The following CR1 variants were observed in gnomAD, a reference collection of about 807,000 sequenced individuals.
CR1 encodes the protein complement receptor type 1.
Under a neutral mutation model 187.3 loss-of-function variants are expected in CR1, and 116 were observed. The observed-to-expected ratio is 0.62, with a 90% CI of 0.53 to 0.72. CR1 has a LOEUF of 0.72. CR1 is among the 30% of genes least tolerant of loss of function. The pLI, the probability that CR1 is intolerant of heterozygous loss-of-function variation, is 0.00. For synonymous variants in CR1, 576 were observed against 747.1 expected, an observed-to-expected ratio of 0.77 and a Z score of 3.73; for missense variants, 1,731 against 2,110.7, an observed-to-expected ratio of 0.82 and a Z score of 3.52.
Position 207,496,533 on chromosome 1 carries a change from G to C in CR1, c.121+145G>C, listed in dbSNP as rs1325288267. The C allele has an allele frequency of 5.5e-5, 44 of 796,158 alleles. 1 individual carries two copies. Among genetic ancestry groups the C allele is most frequent in the Non-Finnish European group, 8.0e-5 (43 of 540,850 alleles). The allele number at this position is 796,158 out of a possible 1,614,324, so 49.3% of individuals were successfully genotyped here. ...GATGGGTGGGCTGAGCGCGCGACCCGGCAGGGCGGCGGGTGTAGGATCCTT... is the reference window on the plus strand; with the variant it reads ...GATGGGTGGGCTGAGCGCGCGACCCCGCAGGGCGGCGGGTGTAGGATCCTT... On this transcript the variant is annotated intron_variant, in intron 1 of 46. Coordinates refer to ENST00000367049, the MANE Select transcript of CR1 (RefSeq NM_000651.6).
At chr1:207,499,635 T>G (rs181255867) in intron 1 of CR1, among the ~76,000 whole-genome samples, 1 of 152,322 alleles carries the variant, frequency 6.6e-6, no homozygotes, top group East Asian at 1.9e-4. Context: ...AGCCATAAAA[T>G]AGTACACGAA....
At position 207,565,117 on chromosome 1, in the gene CR1, G is replaced by A. The variant is rs545992444; in HGVS notation, c.3867-721G>A. On this transcript the variant is annotated intron_variant, in intron 23 of 46. Coordinates refer to ENST00000367049, the MANE Select transcript of CR1 (RefSeq NM_000651.6). ...ATGTCCATCTAGTGCTCTTCACAGCGTGCACATCTCTACACAGGAGCTGAC... is the reference window on the plus strand; with the variant it reads ...ATGTCCATCTAGTGCTCTTCACAGCATGCACATCTCTACACAGGAGCTGAC... 7.6e-4 allele frequency among the ~76,000 whole-genome samples: 114 copies of A among 149,878 alleles called. 3 individuals carry two copies. Among genetic ancestry groups the A allele is most frequent in the Non-Finnish European group, 1.4e-3 (93 of 67,940 alleles).
chr1:207,637,276 C>T (rs1358379045), intron 46 of CR1, among the ~76,000 whole-genome samples: 1 of 152,194 alleles, frequency 6.6e-6, no homozygotes, highest in Non-Finnish European at 1.5e-5. Flanking sequence ...TGCACTGGGA[C>T]ACGACTGAGT....
At chr1:207,633,651 G>A (rs1662719215) in intron 46 of CR1, among the ~76,000 whole-genome samples, 1 of 152,150 alleles carries the variant, frequency 6.6e-6, no homozygotes, top group African/African-American at 2.4e-5. Context: ...AACTTCTGAT[G>A]AATAGAGACA....
intron 42 of CR1, 99 bp downstream of exon 42, chr1:207,618,346 T>A: frequency 1.8e-6 from 2 of 1,119,796 alleles, no homozygotes; most frequent in South Asian, 1.8e-5. Context: ...ATGAAAGGGA[T>A]AATATTTTTT....
Position 207,587,474 on chromosome 1 carries a change from T to C in CR1, c.5619T>C (p.Asn1873=), listed in dbSNP as rs774988249. 1 of 1,613,990 alleles carries C rather than the reference T, an allele frequency of 6.2e-7. No homozygotes were observed. The highest frequency in any genetic ancestry group is 8.5e-7 in the Non-Finnish European group (1 of 1,179,814). ...DFEFPVGTSL[N]YECRPGYFGK... ...AGTTTCCAGTCGGGACATCTTTGAA[T>C]TATGAATGCCGTCCTGGGTATTTTG... Residue 1873 remains asparagine, a synonymous_variant, in exon 34 of 47, where the codon AAT becomes AAC. Coordinates refer to ENST00000367049, the MANE Select transcript of CR1 (RefSeq NM_000651.6).
rs370954317 is a variant in CR1 at position 207,609,398 on chromosome 1, C to G, written c.6005C>G (p.Pro2002Arg). Residue 2002 changes from proline to arginine, a missense_variant, in exon 37 of 47, where the codon CCA (proline) becomes CGA (arginine). Pro to Arg is a moderately radical substitution (Grantham distance 103). Transcript: ENST00000367049. ...GTAACTTACCAGTGCCACACTGGAC[C>G]AGATGGAGAACAGCTGTTTGAGCTT... ...TVVTYQCHTGPDGEQLFELVG... is the reference protein window; with the variant it reads ...TVVTYQCHTGRDGEQLFELVG... 6.2e-7 allele frequency: 1 copy of G among 1,613,940 alleles called. No individual in the cohort carries two copies. Among genetic ancestry groups the G allele is most frequent in the Non-Finnish European group, 8.5e-7 (1 of 1,179,866 alleles).
intron 4 of CR1, among the ~76,000 whole-genome samples, chr1:207,514,992 TATACACAC>T (rs1436384665): frequency 8.6e-6 from 1 of 116,200 alleles, no homozygotes; most frequent in Non-Finnish European, 1.8e-5. Context: ...TATATATATA[TATACACAC>T]ACACACACAC....
chr1:207,496,824 C>G (rs371936081), intron 1 of CR1, among the ~76,000 whole-genome samples: 1 of 152,174 alleles, frequency 6.6e-6, no homozygotes, highest in African/African-American at 2.4e-5. Context: ...AGTCTGTTTG[C>G]TCTTCTGTAA....
At chr1:207,607,206 G>T (rs535986077) in intron 35 of CR1, 45 bp from the exon 36 acceptor site, 2 of 1,414,604 alleles carry the variant, frequency 1.4e-6, no homozygotes, top group Admixed American at 1.7e-5. Context: ...TGAGTTAAAT[G>T]GGAAATATGT....
rs144077642 is a variant in CR1 at position 207,567,541 on chromosome 1, T to C, written c.3953-283T>C. Among the ~76,000 whole-genome samples, 1,408 of 150,452 alleles carry C rather than the reference T, an allele frequency of 9.4e-3. 161 individuals carry two copies. The highest frequency in any genetic ancestry group is 0.034 in the African/African-American group (1,362 of 39,810). On this transcript the variant is annotated intron_variant, in intron 24 of 46. Coordinates refer to ENST00000367049, the MANE Select transcript of CR1 (RefSeq NM_000651.6). ...TAAATGAATAAATAACCCTTCAAAA[T>C]GGTTATTTTTCTTCTTCAAATGTTT...
chr1:207,506,933 T>C (rs1398032871), intron 3 of CR1, 120 bp downstream of exon 3: 4 of 754,332 alleles, frequency 5.3e-6, no homozygotes, highest in Non-Finnish European at 8.6e-6. Context: ...CTTTAACGGC[T>C]TCAACACAGA....
intron 34 of CR1, 133 bp from the exon 35 acceptor site, chr1:207,588,542 G>A: frequency 3.0e-6 from 2 of 656,890 alleles, no homozygotes; most frequent in South Asian, 1.9e-5. Context: ...TGTCTGCCAA[G>A]TTTCCTCAAA....
intron 37 of CR1, among the ~76,000 whole-genome samples, chr1:207,610,290 A>G (rs1661883066): frequency 6.6e-6 from 1 of 152,242 alleles, no homozygotes; most frequent in Non-Finnish European, 1.5e-5. Context: ...TATTGTTCAG[A>G]TTGAGGCTCA....
At position 207,565,861 on chromosome 1, in the gene CR1, C is replaced by T; in HGVS notation, c.3890C>T (p.Ala1297Val). Residue 1297 changes from alanine to valine, a missense_variant, in exon 24 of 47, where the codon GCT becomes GTT. Ala to Val is a moderately conservative substitution (Grantham distance 64). Around this residue, in one of 5 missense-constraint regions of CR1, gnomAD observed 1,312 missense variants for 1,379.6 expected, o/e 0.95. Coordinates refer to ENST00000367049, the MANE Select transcript of CR1 (RefSeq NM_000651.6). The stretch of plus-strand genomic sequence containing the variant: ...AGATTTCAATTAAAAGGCAGCTCTG[C>T]TAGTTATTGTGTCTTGGCTGGAATG... ...DEGFQLKGSS[A>V]SYCVLAGMES... 1.2e-6 allele frequency: 2 copies of T among 1,610,804 alleles called. No individual in the cohort carries two copies. The highest frequency in any genetic ancestry group is 1.7e-6 in the Non-Finnish European group (2 of 1,179,730).
chr1:207,501,653 A>T (rs1659273555), intron 1 of CR1, among the ~76,000 whole-genome samples: 1 of 152,204 alleles, frequency 6.6e-6, no homozygotes, highest in Non-Finnish European at 1.5e-5. Flanking sequence ...TTATGTAATT[A>T]AGGGGAAGGA....
At chr1:207,598,083 G>A (rs1661498566) in intron 35 of CR1, among the ~76,000 whole-genome samples, 1 of 152,176 alleles carries the variant, frequency 6.6e-6, no homozygotes, top group Non-Finnish European at 1.5e-5. Context: ...GATAACCAGT[G>A]GAAGGAGAGA....
At position 207,641,225 on chromosome 1, in the gene CR1, T is replaced by C. The variant is rs1165373389; in HGVS notation, c.*1816T>C. 6.6e-6 allele frequency: 1 copy of C among 152,162 alleles called. No individual in the cohort carries two copies. The highest frequency in any genetic ancestry group is 1.5e-5 in the Non-Finnish European group (1 of 68,028). The allele number at this position is 152,162 out of a possible 1,614,324, so 9.4% of individuals were successfully genotyped here. A position where few individuals can be genotyped will look rare whatever the true frequency, so the allele number is the denominator to read the frequency against. Reference sequence around the variant, plus strand: ...GACTAGAAACTAAGTGATTGGGAATTGGCCTTTTTAGAATTAAAATTTCCC... The same window carrying C: ...GACTAGAAACTAAGTGATTGGGAATCGGCCTTTTTAGAATTAAAATTTCCC... On this transcript the variant is annotated 3_prime_UTR_variant, in exon 47 of 47. Coordinates refer to ENST00000367049, the MANE Select transcript of CR1 (RefSeq NM_000651.6).
At chr1:207,584,500 C>T (rs1571559914) in intron 32 of CR1, 149 bp from the exon 33 acceptor site, 5 of 931,718 alleles carry the variant, frequency 5.4e-6, no homozygotes, top group Non-Finnish European at 7.9e-6. Context: ...TTAGCAGAGG[C>T]CTAATACATT....
Sources: gnomAD v4.1 joint callset for allele counts (sites outside exome capture counted in the v4.1 genomes callset) on GRCh38, gnomAD v4.1.1 for gene constraint, gnomAD v4.1.1 regional missense constraint, MANE v1.5 for transcripts, NCBI Gene and HGNC (gene_info 2026-07-23, HGNC 2026-07-21) for gene names.